The following NCMAP variants were observed in gnomAD, a reference collection of about 807,000 sequenced individuals.
The protein encoded by NCMAP is noncompact myelin-associated protein.
Under a neutral mutation model 7.8 loss-of-function variants are expected in NCMAP, and 8 were observed. The ratio of observed to expected loss-of-function variants is 1.02; its 90% confidence interval spans 0.60 to 1.84. NCMAP has a LOEUF of 1.84. NCMAP is among the 40% of genes most tolerant of loss of function. The probability of loss-of-function intolerance (pLI) is 0.00; values close to 1 mark genes in which losing one functional copy is unlikely to be tolerated. For synonymous variants in NCMAP, 41 were observed against 52.9 expected (o/e 0.78, Z 0.98); for missense variants, 112 against 131.4 (o/e 0.85, Z 0.72).
rs377763233 is a variant in NCMAP, at chr1:24,595,736, G to T, written c.82+224G>T. 1.3e-4 allele frequency among the ~76,000 whole-genome samples: 20 copies of T among 151,852 alleles called. No homozygotes were observed. In the East Asian group the frequency reaches 3.5e-3, roughly 26 times the overall value. On this transcript the variant is annotated intron_variant, in intron 2 of 3. Coordinates refer to ENST00000374392, the MANE Select transcript of NCMAP (RefSeq NM_001010980.5). ...CTGTGGAAGGGTAGGGGACAGAACC[G>T]CTATTTCTGTCTGAGTGGGAGTCTT...
rs543026673 is a variant in NCMAP at position 24,569,535 on chromosome 1, T to C, written c.-8+13366T>C. Among the ~76,000 whole-genome samples, 87 of 150,758 alleles carry C rather than the reference T, an allele frequency of 5.8e-4. 6 individuals carry two copies. The highest frequency in any genetic ancestry group is 2.0e-3 in the African/African-American group (81 of 40,070). On this transcript the variant is annotated intron_variant, in intron 1 of 3. Transcript: ENST00000374392. ...TGATAATAGTAACAATGTTCATTGA[T>C]TGAGCGGCAGCAGTAAAGTGGAGTG... is the stretch of plus-strand genomic sequence containing the variant.
rs148292000 is a variant in NCMAP at position 24,571,389 on chromosome 1, C to T, written c.-8+15220C>T. On this transcript the variant is annotated intron_variant, in intron 1 of 3. Transcript: ENST00000374392. Reference sequence around the variant, plus strand: ...ACTCAAGAGGTTGAGGCAGGAGAATCACTTGAACTCAGGAGGCAGAGGTTG... The same window carrying T: ...ACTCAAGAGGTTGAGGCAGGAGAATTACTTGAACTCAGGAGGCAGAGGTTG... 7.9e-3 allele frequency among the ~76,000 whole-genome samples: 1,168 copies of T among 148,382 alleles called. 7 individuals are homozygous for T. Among genetic ancestry groups the T allele is most frequent in the Middle Eastern group, 0.021 (6 of 290 alleles).
At chr1:24,604,608 ATATATATATATATAT>A (rs1652647533) in intron 3 of NCMAP, among the ~76,000 whole-genome samples, 1 of 8,974 alleles carries the variant, frequency 1.1e-4, no homozygotes, top group Non-Finnish European at 1.7e-4. Flanking sequence ...AAAAAAAAAT[ATATATATATATATAT>A]ATATATATAT....
chr1:24,565,216 C>A (rs1047626538), intron 1 of NCMAP, among the ~76,000 whole-genome samples: 6 of 150,546 alleles, frequency 4.0e-5, no homozygotes, highest in African/African-American at 1.5e-4. Context: ...GACTGGGGAG[C>A]TACAGCATCT....
intron 1 of NCMAP, among the ~76,000 whole-genome samples, chr1:24,589,172 G>A (rs564056717): frequency 6.6e-6 from 1 of 152,148 alleles, no homozygotes; most frequent in African/African-American, 2.4e-5. Flanking sequence ...CACCGAGTGC[G>A]GTGCCGGACA....
At chr1:24,584,171 T>G (rs1234075273) in intron 1 of NCMAP, among the ~76,000 whole-genome samples, 1 of 151,932 alleles carries the variant, frequency 6.6e-6, no homozygotes, top group Non-Finnish European at 1.5e-5. Context: ...ACCTGGAGAT[T>G]TACATGGGAG....
At chr1:24,584,518 G>A (rs916485271) in intron 1 of NCMAP, among the ~76,000 whole-genome samples, 8 of 152,200 alleles carry the variant, frequency 5.3e-5, no homozygotes, top group South Asian at 2.1e-4. Flanking sequence ...CTGAGCCACC[G>A]TTTGACAGGG....
intron 1 of NCMAP, among the ~76,000 whole-genome samples, chr1:24,561,130 C>T (rs2776750): frequency 0.15 from 20,640 of 134,910 alleles, 1,785 homozygotes; most frequent in East Asian, 0.22. Context: ...GTCAGGAGTT[C>T]AAGACCAGCC....
chr1:24,559,195 T>C (rs995979161), intron 1 of NCMAP, among the ~76,000 whole-genome samples: 1 of 152,208 alleles, frequency 6.6e-6, no homozygotes, highest in Non-Finnish European at 1.5e-5. Flanking sequence ...CCGGTTTGTT[T>C]GTCCTGGACA....
intron 2 of NCMAP, among the ~76,000 whole-genome samples, chr1:24,600,176 A>C (rs1485636092): frequency 6.6e-6 from 1 of 151,570 alleles, no homozygotes; most frequent in Non-Finnish European, 1.5e-5. Flanking sequence ...TTTGAGATAG[A>C]GTCTTGCTCT....
At chr1:24,557,951 C>T (rs1254396705) in intron 1 of NCMAP, among the ~76,000 whole-genome samples, 2 of 152,182 alleles carry the variant, frequency 1.3e-5, no homozygotes, top group Non-Finnish European at 2.9e-5. Flanking sequence ...TCCTGGGCTC[C>T]GTAGCACCAT....
chr1:24,570,431 G>A (rs1345838155), intron 1 of NCMAP, among the ~76,000 whole-genome samples: 1 of 150,790 alleles, frequency 6.6e-6, no homozygotes. Flanking sequence ...GGAAGTCAAG[G>A]CTGGAGTGAG....
At chr1:24,566,835 CTG>C (rs1194348617) in intron 1 of NCMAP, among the ~76,000 whole-genome samples, 1 of 152,088 alleles carries the variant, frequency 6.6e-6, no homozygotes, top group Non-Finnish European at 1.5e-5. Context: ...AGGCTAGGCA[CTG>C]TAGAGGTGAG....
intron 1 of NCMAP, among the ~76,000 whole-genome samples, chr1:24,578,560 C>CTT (rs555342098): frequency 7.5e-5 from 8 of 107,376 alleles, no homozygotes; most frequent in South Asian, 5.7e-4. Context: ...TTCTTTCTTT[C>CTT]TTTTTTTTTT....
intron 1 of NCMAP, among the ~76,000 whole-genome samples, chr1:24,589,251 CTT>C: frequency 6.6e-6 from 1 of 152,232 alleles, no homozygotes; most frequent in South Asian, 2.1e-4. Flanking sequence ...TCCCTGTCCT[CTT>C]TGTGTTTTCT....
At chr1:24,593,956 A>G (rs1405458303) in intron 1 of NCMAP, among the ~76,000 whole-genome samples, 3 of 151,836 alleles carry the variant, frequency 2.0e-5, no homozygotes, top group African/African-American at 7.3e-5. Flanking sequence ...CAGTGGTGCA[A>G]TCTCTGCTCA....
At position 24,600,991 on chromosome 1, in the gene NCMAP, C is replaced by T. The variant is rs1030952737; in HGVS notation, c.134C>T (p.Thr45Ile). The change falls in exon 3 of 4, where the codon ACC becomes ATC. Residue 45 changes from threonine to isoleucine, a missense_variant. Physicochemically the swap from Thr to Ile is moderately conservative, Grantham distance 89. Transcript: ENST00000374392. Reference protein sequence around the residue: ...AVVVVVIIIFTVVLILLKMYN... With the variant: ...AVVVVVIIIFIVVLILLKMYN... The stretch of plus-strand genomic sequence containing the variant: ...GTGGTGGTTGTCATCATCATCTTCA[C>T]CGTGGTTCTGATCCTGCTGAAGATG... 4 of 1,614,110 alleles carry T rather than the reference C, an allele frequency of 2.5e-6. No individual in the cohort carries two copies. The highest frequency in any genetic ancestry group is 3.4e-6 in the Non-Finnish European group (4 of 1,180,008).
rs1027650931 is a variant in NCMAP, at chr1:24,609,270, A to C, written c.*3523A>C. 7.9e-5 allele frequency: 12 copies of C among 152,244 alleles called. No individual in the cohort carries two copies. Among genetic ancestry groups the C allele is most frequent in the Admixed American group, 7.9e-4 (12 of 15,286 alleles). The allele number at this position is 152,244 out of a possible 1,614,324, so 9.4% of individuals were successfully genotyped here. A position where few individuals can be genotyped will look rare whatever the true frequency, so the allele number is the denominator to read the frequency against. On this transcript the variant is annotated 3_prime_UTR_variant, in exon 4 of 4. Transcript: ENST00000374392. ...TGCTGCCTTATTTGGCCACTGAAACAATCAAAGCTAATAAATGCTTAAAGA... is the reference window on the plus strand; with the variant it reads ...TGCTGCCTTATTTGGCCACTGAAACCATCAAAGCTAATAAATGCTTAAAGA...
intron 2 of NCMAP, among the ~76,000 whole-genome samples, chr1:24,597,662 A>G (rs944762025): frequency 2.8e-5 from 4 of 142,418 alleles, no homozygotes; most frequent in Non-Finnish European, 4.6e-5. Flanking sequence ...AAAGAAAGAA[A>G]GAAAGAAAGA....
Sources: gnomAD v4.1 joint callset for allele counts (sites outside exome capture counted in the v4.1 genomes callset) on GRCh38, gnomAD v4.1.1 for gene constraint, MANE v1.5 for transcripts, NCBI Gene and HGNC (gene_info 2026-07-23, HGNC 2026-07-21) for gene names.